The following ZZEF1 variants were observed in gnomAD, a reference collection of about 807,000 sequenced individuals.
The protein encoded by ZZEF1 is zinc finger ZZ-type and EF-hand domain-containing protein 1.
ZZEF1 carries 157 observed loss-of-function variants against 342.8 expected under a neutral mutation model. The observed-to-expected ratio is 0.46, with a 90% CI of 0.40 to 0.52. The LOEUF is 0.52. Among genes scored for constraint, ZZEF1 ranks in the 20% least tolerant of loss-of-function variants. ZZEF1 has a pLI of 0.00. For missense variants in ZZEF1, 3,480 were observed against 3,725.6 expected (o/e 0.93, Z 1.72); for synonymous variants, 1,505 against 1,429.1 (o/e 1.05, Z -1.20).
chr17:4,011,956 T>A (rs556444464), intron 52 of ZZEF1, among the ~76,000 whole-genome samples: 1 of 152,304 alleles, frequency 6.6e-6, no homozygotes, highest in African/African-American at 2.4e-5. Context: ...GGCAGGCCCC[T>A]CTCTCACTCT....
chr17:4,102,273 C>G, intron 9 of ZZEF1, 44 bp downstream of exon 9: 1 of 1,544,830 alleles, frequency 6.5e-7, no homozygotes. Flanking sequence ...ACAGCTGACT[C>G]CTGTCTACCG....
chr17:4,030,678 A>C (rs1361045502), intron 42 of ZZEF1, among the ~76,000 whole-genome samples: 2 of 152,140 alleles, frequency 1.3e-5, no homozygotes, highest in Non-Finnish European at 2.9e-5. Context: ...TATTTTATGT[A>C]GTGATGGGGG....
chr17:4,074,980 AAACGTGT>A (rs2145294723), intron 23 of ZZEF1, 110 bp downstream of exon 23: 1 of 1,056,512 alleles, frequency 9.5e-7, no homozygotes, highest in South Asian at 1.5e-5. Context: ...TTCCTTTCAC[AAACGTGT>A]AACATAAATG....
At position 4,137,393 on chromosome 17, in the gene ZZEF1, A is replaced by C. The variant is rs531566141; in HGVS notation, c.354+5149T>G. On this transcript the variant is annotated intron_variant, in intron 1 of 54. Transcript: ENST00000381638. ...TGGGAGGCCGAGGTGGGCGGATCAC[A>C]AGGTCAGGAGATCGAGACCATCCTG... Among the ~76,000 whole-genome samples the C allele has an allele frequency of 2.5e-3, 375 of 152,210 alleles. 4 individuals are homozygous for C. Among genetic ancestry groups the C allele is most frequent in the African/African-American group, 8.7e-3 (360 of 41,528 alleles).
chr17:4,088,022 G>A (rs1024182892), intron 13 of ZZEF1, among the ~76,000 whole-genome samples: 1 of 152,136 alleles, frequency 6.6e-6, no homozygotes, highest in African/African-American at 2.4e-5. Flanking sequence ...TAGGAGGTCT[G>A]AATAACGAAG....
intron 17 of ZZEF1, among the ~76,000 whole-genome samples, chr17:4,081,822 T>A (rs7216444): frequency 0.16 from 23,597 of 147,176 alleles, 2,016 homozygotes; most frequent in African/African-American, 0.23. Context: ...GTTCCTTGTG[T>A]CTTCACATGT....
intron 42 of ZZEF1, among the ~76,000 whole-genome samples, chr17:4,028,916 C>T (rs1283535831): frequency 1.3e-5 from 2 of 152,098 alleles, no homozygotes; most frequent in East Asian, 1.9e-4. Context: ...TTTAAAAATG[C>T]AAGAGAGGCT....
chr17:4,079,368 C>T (rs1173181877), intron 18 of ZZEF1, among the ~76,000 whole-genome samples: 1 of 152,046 alleles, frequency 6.6e-6, no homozygotes, highest in Non-Finnish European at 1.5e-5. Context: ...ATCTGAGAAA[C>T]AGGTAGAATG....
chr17:4,078,014 G>C lies in ZZEF1; in HGVS notation c.2858C>G (p.Pro953Arg). ...ECELLMLSGAPGEVGSVLFSL... is the reference protein window; with the variant it reads ...ECELLMLSGARGEVGSVLFSL... ...GAAGAGCACAGAGCCCACCTCCCCT[G>C]GGGCCCCACTGAGCATTAACAGCTC... The change falls in exon 19 of 55, where the codon CCA (proline) becomes CGA (arginine). Residue 953 changes from proline to arginine, a missense_variant. Physicochemically the swap from Pro to Arg is moderately radical, Grantham distance 103. This residue lies in a region of ZZEF1 where 1,528 missense variants were observed against 1,624.1 expected (regional missense o/e 0.94). Coordinates refer to ENST00000381638, the MANE Select transcript of ZZEF1 (RefSeq NM_015113.4). 6.2e-7 allele frequency: 1 copy of C among 1,613,882 alleles called. No homozygotes were observed. The highest frequency in any genetic ancestry group is 8.5e-7 in the Non-Finnish European group (1 of 1,179,968).
intron 8 of ZZEF1, among the ~76,000 whole-genome samples, chr17:4,104,163 T>G (rs1198400757): frequency 6.6e-6 from 1 of 152,092 alleles, no homozygotes. Flanking sequence ...GGCAGACAGG[T>G]GTCCAAATCC....
Position 4,049,808 on chromosome 17 carries a change from A to G in ZZEF1, c.5915T>C (p.Leu1972Pro), listed in dbSNP as rs781852. The G allele has an allele frequency of 0.4, 652,880 of 1,613,240 alleles. 139,077 individuals carry two copies. Among genetic ancestry groups the G allele is most frequent in the African/African-American group, 0.78 (58,725 of 74,954 alleles). Reference sequence around the variant, plus strand: ...AGTGACTGGTAGGGCCTGATCTTCTAGGCTCGAGTCCCCATCTGGCAATAC... The same window carrying G: ...AGTGACTGGTAGGGCCTGATCTTCTGGGCTCGAGTCCCCATCTGGCAATAC... Reference protein sequence around the residue: ...LGVLPDGDSSLEDQALPVTVP... With the variant: ...LGVLPDGDSSPEDQALPVTVP... Residue 1972 changes from leucine to proline, a missense_variant, in exon 37 of 55, where the codon CTA (leucine) becomes CCA (proline). This residue lies in a region of ZZEF1 where 1,269 missense variants were observed against 1,342.4 expected (regional missense o/e 0.95). Transcript: ENST00000381638.
At chr17:4,115,181 C>G (rs2058375010) in intron 3 of ZZEF1, among the ~76,000 whole-genome samples, 1 of 152,030 alleles carries the variant, frequency 6.6e-6, no homozygotes, top group African/African-American at 2.4e-5. Flanking sequence ...ACCACCACGC[C>G]TGGCTAATTT....
In ZZEF1 at chr17:4,101,587, G is replaced by A. The variant is rs374102570; in HGVS notation, c.1672+730C>T. Among the ~76,000 whole-genome samples the A allele has an allele frequency of 1.3e-3, 204 of 152,218 alleles. 5 individuals carry two copies. The South Asian group carries it at 0.04, about 30-fold the overall frequency. On this transcript the variant is annotated intron_variant, in intron 9 of 54. Coordinates refer to ENST00000381638, the MANE Select transcript of ZZEF1 (RefSeq NM_015113.4). ...AAAGAGTGAGGCTTCCTCTAGACAC[G>A]CAAATACTACATCAGCTATATCTGG...
chr17:4,014,986 C>T lies in ZZEF1; in HGVS notation c.8146-471G>A, dbSNP rs1411372017. ...CAAGACCTGACTCCAGAGAGACTGG[C>T]AGGGGCAGACACTGAAGGCCCTGGG... On this transcript the variant is annotated intron_variant, in intron 49 of 54. Coordinates refer to ENST00000381638, the MANE Select transcript of ZZEF1 (RefSeq NM_015113.4). This position sits in a 1 kb window ranked among gnomAD's most constrained non-coding sequence, Gnocchi z 4.4. Among the ~76,000 whole-genome samples, 2 of 152,120 alleles carry T rather than the reference C, an allele frequency of 1.3e-5. No homozygotes were observed. Among genetic ancestry groups the T allele is most frequent in the Non-Finnish European group, 2.9e-5 (2 of 68,020 alleles).
chr17:4,069,688 G>A (rs900078040), intron 26 of ZZEF1, among the ~76,000 whole-genome samples: 4 of 152,070 alleles, frequency 2.6e-5, no homozygotes, highest in African/African-American at 7.2e-5. Context: ...AACATTAGCC[G>A]GGCGTGTTGA....
intron 9 of ZZEF1, among the ~76,000 whole-genome samples, chr17:4,100,845 A>G (rs1313286637): frequency 1.3e-5 from 2 of 152,248 alleles, no homozygotes; most frequent in Non-Finnish European, 2.9e-5. Flanking sequence ...AAAAAAATAT[A>G]AAAATAAAGA....
At chr17:4,112,109 T>G (rs1452145800) in intron 5 of ZZEF1, among the ~76,000 whole-genome samples, 1 of 122,996 alleles carries the variant, frequency 8.1e-6, no homozygotes, top group African/African-American at 2.9e-5. Context: ...GTTTTGTTTT[T>G]AATGAAAAAA....
chr17:4,066,313 T>C (rs139568032), intron 28 of ZZEF1, 134 bp downstream of exon 28: 1 of 745,344 alleles, frequency 1.3e-6, no homozygotes, highest in African/African-American at 1.7e-5. Context: ...GGATACTATA[T>C]TTAGCATCTG....
At chr17:4,132,158 C>T (rs2058670539) in intron 1 of ZZEF1, among the ~76,000 whole-genome samples, 1 of 151,502 alleles carries the variant, frequency 6.6e-6, no homozygotes, top group Admixed American at 6.6e-5. Context: ...GGCTATATAC[C>T]GTGTGCATGT....
Sources: gnomAD v4.1 joint callset for allele counts (sites outside exome capture counted in the v4.1 genomes callset) on GRCh38, gnomAD v4.1.1 for gene constraint, gnomAD v4.1.1 regional missense constraint, Gnocchi (gnomAD v3.1) non-coding constraint, MANE v1.5 for transcripts, NCBI Gene and HGNC (gene_info 2026-07-23, HGNC 2026-07-21) for gene names.